Variants in FCSK observed in about 807,000 individuals in gnomAD.
FCSK encodes the protein L-fucose kinase.
Under a neutral mutation model 122.5 loss-of-function variants are expected in FCSK, and 123 were observed. The ratio of observed to expected loss-of-function variants is 1.00; its 90% CI spans 0.87 to 1.17. FCSK has a LOEUF of 1.17. Among genes scored for constraint, FCSK ranks in the 50% most tolerant of loss-of-function variants. The pLI, the probability that FCSK is intolerant of heterozygous loss-of-function variation, is 0.00. For missense variants in FCSK, 1,366 were observed against 1,450.4 expected (o/e 0.94, Z 0.95); for synonymous variants, 620 against 625.5 (o/e 0.99, Z 0.13).
intron 22 of FCSK, 42 bp downstream of exon 22, chr16:70,478,692 G>A (rs1187244078): frequency 6.5e-7 from 1 of 1,542,606 alleles, no homozygotes; most frequent in Non-Finnish European, 8.9e-7. Context: ...CTGGGAGCGA[G>A]TATTCTGTCA....
intron 1 of FCSK, among the ~76,000 whole-genome samples, chr16:70,458,147 TTTTC>T (rs759387319): frequency 1.5e-4 from 22 of 151,376 alleles, no homozygotes; most frequent in Admixed American, 2.6e-4. Context: ...TATTAATTTT[TTTTC>T]TTTCTTTCTT....
rs190255771 is a variant in FCSK, at chr16:70,469,813, A to G, written c.955+490A>G. ...CTCCCGAAGTGCTGGGCTTACAGGC[A>G]TGAGCCACCATGCCCGGCCCTAACC... On this transcript the variant is annotated intron_variant, in intron 10 of 23. Coordinates refer to ENST00000288078, the MANE Select transcript of FCSK (RefSeq NM_145059.3). Among the ~76,000 whole-genome samples the G allele has an allele frequency of 3.6e-3, 511 of 143,174 alleles. 2 individuals carry two copies. The highest frequency in any genetic ancestry group is 0.012 in the African/African-American group (455 of 38,560). The allele number at this position is 143,174 out of a possible 152,430, so 93.9% of individuals were successfully genotyped here.
rs762319627 is a variant in FCSK, at chr16:70,467,978, G to A, written c.663+12G>A. 6.2e-7 allele frequency: 1 copy of A among 1,611,682 alleles called. No individual in the cohort carries two copies. The highest frequency in any genetic ancestry group is 2.2e-5 in the East Asian group (1 of 44,860). On this transcript the variant is annotated intron_variant, in intron 8 of 23. Coordinates refer to ENST00000288078, the MANE Select transcript of FCSK (RefSeq NM_145059.3). The stretch of plus-strand genomic sequence containing the variant: ...GGCGGGTGCCACTGGTATGGCTGCT[G>A]GGCCCAGGTTGCGGGGCTTTGGGGA...
Position 70,478,667 on chromosome 16 carries a change from G to C in FCSK, c.2929+17G>C, listed in dbSNP as rs750334978. 1.5e-5 allele frequency: 24 copies of C among 1,599,554 alleles called. No homozygotes were observed. Among genetic ancestry groups the C allele is most frequent in the East Asian group, 2.2e-5 (1 of 44,806 alleles). ...TCCGCCAAGGTGAGGGGCTTCCTCT[G>C]GGGGGGTCAGGGCACTGGGAGCGAG... On this transcript the variant is annotated intron_variant, in intron 22 of 23. Transcript: ENST00000288078.
At position 70,469,584 on chromosome 16, in the gene FCSK, C is replaced by T. The variant is rs546308957; in HGVS notation, c.955+261C>T. On this transcript the variant is annotated intron_variant, in intron 10 of 23. Transcript: ENST00000288078. Reference sequence around the variant, plus strand: ...TGTTTTGTTTTTTGAGACGGACTCTCTCTTTGTCGCCCCGGCTAGAGTGAG... The same window carrying T: ...TGTTTTGTTTTTTGAGACGGACTCTTTCTTTGTCGCCCCGGCTAGAGTGAG... 3.9e-5 allele frequency among the ~76,000 whole-genome samples: 6 copies of T among 152,266 alleles called. No homozygotes were observed. The South Asian group carries it at 1.2e-3, about 32-fold the overall frequency.
At chr16:70,475,871 C>A in intron 20 of FCSK, 104 bp downstream of exon 20, 3 of 1,179,882 alleles carry the variant, frequency 2.5e-6, no homozygotes, top group African/African-American at 1.5e-5. Flanking sequence ...CCAACAGCCA[C>A]AAGACTGTGC....
intron 1 of FCSK, among the ~76,000 whole-genome samples, chr16:70,461,305 G>A (rs1443352073): frequency 1.3e-5 from 2 of 152,130 alleles, no homozygotes; most frequent in East Asian, 3.9e-4. Context: ...TTTGAGGGGT[G>A]GAGGGAGGAA....
Position 70,473,739 on chromosome 16 carries a change from C to A in FCSK, c.1777+386C>A, listed in dbSNP as rs1048990833. Among the ~76,000 whole-genome samples the A allele has an allele frequency of 6.6e-6, 1 of 152,210 alleles. No individual in the cohort carries two copies. The highest frequency in any genetic ancestry group is 2.4e-5 in the African/African-American group (1 of 41,458). ...TCCCAAGCACACTTCCGGGGGCTCACAGCCTTAGCCTCCTAGGCTGAACCT... is the reference window on the plus strand; with the variant it reads ...TCCCAAGCACACTTCCGGGGGCTCAAAGCCTTAGCCTCCTAGGCTGAACCT... On this transcript the variant is annotated intron_variant, in intron 15 of 23. Transcript: ENST00000288078. The surrounding 1 kb of genome is among the most constrained non-coding windows in gnomAD (Gnocchi z 4.9).
intron 15 of FCSK, 30 bp from the exon 16 acceptor site, chr16:70,474,099 C>A (rs568846596): frequency 6.5e-7 from 1 of 1,543,870 alleles, no homozygotes; most frequent in Non-Finnish European, 8.7e-7. Context: ...AGGCCTCCTC[C>A]CCTGCCACCC....
In FCSK at chr16:70,478,555, T is replaced by C; in HGVS notation, c.2834T>C (p.Val945Ala). ...TRLARNLLQD[V>A]LRSWYARLPA... Reference sequence around the variant, plus strand: ...CTTCTCCTGCCCCGTCCGCAGGATGTGCTGAGGAGCTGGTATGCCCGACTT... The same window carrying C: ...CTTCTCCTGCCCCGTCCGCAGGATGCGCTGAGGAGCTGGTATGCCCGACTT... Residue 945 changes from valine (V) to alanine (A), a missense_variant, in exon 22 of 24, where the codon GTG becomes GCG. Transcript: ENST00000288078. 6.2e-7 allele frequency: 1 copy of C among 1,613,742 alleles called. No individual in the cohort carries two copies. The highest frequency in any genetic ancestry group is 1.1e-5 in the South Asian group (1 of 91,076).
rs1364343933 is a variant in FCSK, at chr16:70,474,648, T to A, written c.2109T>A (p.Pro703=). ...VSTEQVELPG[P]GQWVVAECPA... is the part of the protein sequence containing the mutation. ...CAGAGCAGGTGGAACTGCCGGGACCTGGGCAGTGGGTGGTGGCTGAGTGCC... is the reference window on the plus strand; with the variant it reads ...CAGAGCAGGTGGAACTGCCGGGACCAGGGCAGTGGGTGGTGGCTGAGTGCC... The change falls in exon 17 of 24, where the codon CCT becomes CCA. Residue 703 remains proline (P), a synonymous_variant. Transcript: ENST00000288078. 2 of 1,599,176 alleles carry A rather than the reference T, an allele frequency of 1.3e-6. No individual in the cohort carries two copies. Among genetic ancestry groups the A allele is most frequent in the South Asian group, 1.1e-5 (1 of 88,190 alleles).
At chr16:70,472,648 G>T (rs1222068673) in intron 14 of FCSK, 43 bp downstream of exon 14, 1 of 1,493,550 alleles carries the variant, frequency 6.7e-7, no homozygotes, top group Admixed American at 1.8e-5. Context: ...CTGGGCAGCT[G>T]GGGTGGCTGC....
Position 70,469,159 on chromosome 16 carries a change from T to C in FCSK, c.791T>C (p.Leu264Pro), listed in dbSNP as rs2048527835. Reference protein sequence around the residue: ...DSGARPVQLSLFFDILHCMAE... With the variant: ...DSGARPVQLSPFFDILHCMAE... ...TTCTTCCCCTTCCCCTAGCTGTCTC[T>C]GTTTTTTGACATTCTCCACTGCATG... Residue 264 changes from leucine to proline, a missense_variant, in exon 10 of 24, where the codon CTG becomes CCG. Physicochemically the swap from Leu to Pro is moderately conservative, Grantham distance 98. Coordinates refer to ENST00000288078, the MANE Select transcript of FCSK (RefSeq NM_145059.3). 1 of 1,614,136 alleles carries C rather than the reference T, an allele frequency of 6.2e-7. No individual in the cohort carries two copies. Among genetic ancestry groups the C allele is most frequent in the Non-Finnish European group, 8.5e-7 (1 of 1,180,020 alleles).
chr16:70,469,141 C>T lies in FCSK; in HGVS notation c.784-11C>T, dbSNP rs954699095. 6.2e-7 allele frequency: 1 copy of T among 1,613,942 alleles called. No individual in the cohort carries two copies. The highest frequency in any genetic ancestry group is 1.1e-5 in the South Asian group (1 of 91,066). ...CCATGCCAATAGCTGTGCTTCTTCCCCTTCCCCTAGCTGTCTCTGTTTTTT... is the reference window on the plus strand; with the variant it reads ...CCATGCCAATAGCTGTGCTTCTTCCTCTTCCCCTAGCTGTCTCTGTTTTTT... On this transcript the variant is annotated splice_polypyrimidine_tract_variant and intron_variant, in intron 9 of 23. Transcript: ENST00000288078.
chr16:70,467,175 TCC>T, intron 6 of FCSK, 197 bp from the exon 7 acceptor site: 1 of 628,262 alleles, frequency 1.6e-6, no homozygotes, highest in Non-Finnish European at 2.8e-6. Flanking sequence ...GCCCCTTCTG[TCC>T]CACAGGGCTC....
intron 6 of FCSK, 85 bp downstream of exon 6, chr16:70,467,039 C>G (rs904249475): frequency 7.9e-7 from 1 of 1,272,418 alleles, no homozygotes. Context: ...CACCCTGCCT[C>G]TGGGCCTGCC....
In FCSK at chr16:70,475,511, C is replaced by T. The variant is rs1224424229; in HGVS notation, c.2521+18C>T. 1 of 1,600,446 alleles carries T rather than the reference C, an allele frequency of 6.2e-7. No homozygotes were observed. ...TGGCCTGGGTGAGCGGGCCCTGCCT[C>T]CTGCTACCCACCGACTGTTACAGCC... On this transcript the variant is annotated intron_variant, in intron 19 of 23. Coordinates refer to ENST00000288078, the MANE Select transcript of FCSK (RefSeq NM_145059.3).
chr16:70,456,018 A>T lies in FCSK; in HGVS notation c.-23+1388A>T, dbSNP rs571830424. Among the ~76,000 whole-genome samples the T allele has an allele frequency of 8.5e-5, 13 of 152,218 alleles. No individual in the cohort carries two copies. The South Asian group carries it at 1.7e-3, about 19-fold the overall frequency. On this transcript the variant is annotated intron_variant, in intron 1 of 23. Coordinates refer to ENST00000288078, the MANE Select transcript of FCSK (RefSeq NM_145059.3). The stretch of plus-strand genomic sequence containing the variant: ...GGCAACAAAGGGAGGCCCCATCTCA[A>T]CAAAAAATAAAAAACTAGCAGGACT...
intron 11 of FCSK, 60 bp downstream of exon 11, chr16:70,470,486 T>G (rs1299500404): frequency 1.9e-6 from 2 of 1,057,762 alleles, no homozygotes; most frequent in African/African-American, 3.2e-5. Context: ...GGGATGTGGA[T>G]TCCCGGGAAG....
Sources: gnomAD v4.1 joint callset for allele counts (sites outside exome capture counted in the v4.1 genomes callset) on GRCh38, gnomAD v4.1.1 for gene constraint, Gnocchi (gnomAD v3.1) non-coding constraint, MANE v1.5 for transcripts, NCBI Gene and HGNC (gene_info 2026-07-23, HGNC 2026-07-21) for gene names.